The following FBXO11 variants were observed in gnomAD, a reference collection of about 807,000 sequenced individuals.
FBXO11 encodes F-box protein 11, also known as F-box only protein 11.
Under a neutral mutation model 117.0 loss-of-function variants are expected in FBXO11, and 13 were observed. The ratio of observed to expected loss-of-function variants is 0.11; its 90% CI spans 0.07 to 0.18. The LOEUF (loss-of-function observed/expected upper bound fraction) is 0.18. Ranked by LOEUF, FBXO11 falls within the 10% of genes least tolerant of loss-of-function variation. The pLI is 1.00. For missense variants in FBXO11, 767 were observed against 1,164.4 expected (o/e 0.66, Z 4.97); for synonymous variants, 490 against 380.5 (o/e 1.29, Z -3.35).
At chr2:47,853,724 ATACT>A (rs1294565302) in intron 1 of FBXO11, among the ~76,000 whole-genome samples, 3 of 152,212 alleles carry the variant, frequency 2.0e-5, no homozygotes, top group Non-Finnish European at 4.4e-5. Flanking sequence ...AAGACTGATA[ATACT>A]TAACAGTACC....
chr2:47,810,596 C>T lies in FBXO11; in HGVS notation c.2228-170G>A, dbSNP rs1276054416. The T allele has an allele frequency of 9.9e-6, 5 of 505,642 alleles. No individual in the cohort carries two copies. The African/African-American group carries it at 9.9e-5, about 10-fold the overall frequency. The allele number at this position is 505,642 out of a possible 1,614,324, so 31.3% of individuals were successfully genotyped here. ...TTAGCAATTCAGAGGTATTAAGGAT[C>T]TAACAAAATTGCTACAATGACAGGT... On this transcript the variant is annotated intron_variant, in intron 18 of 22. Coordinates refer to ENST00000403359, the MANE Select transcript of FBXO11 (RefSeq NM_001190274.2).
intron 1 of FBXO11, among the ~76,000 whole-genome samples, chr2:47,878,666 T>A (rs1413153480): frequency 6.6e-6 from 1 of 151,950 alleles, no homozygotes; most frequent in Non-Finnish European, 1.5e-5. Flanking sequence ...CCAGCATTTT[T>A]TTTTTTTTTT....
At chr2:47,902,351 G>A (rs1319530871) in intron 1 of FBXO11, among the ~76,000 whole-genome samples, 2 of 152,210 alleles carry the variant, frequency 1.3e-5, no homozygotes, top group African/African-American at 4.8e-5. Flanking sequence ...CAGCTAACGA[G>A]TGAACACAAT....
chr2:47,825,206 TTTCA>T (rs1671659732), intron 11 of FBXO11, among the ~76,000 whole-genome samples: 1 of 152,182 alleles, frequency 6.6e-6, no homozygotes, highest in Non-Finnish European at 1.5e-5. Flanking sequence ...CAAAAGTAGT[TTTCA>T]GACTTCATTT....
At chr2:47,895,486 G>A (rs569146915) in intron 1 of FBXO11, among the ~76,000 whole-genome samples, 3 of 152,262 alleles carry the variant, frequency 2.0e-5, no homozygotes, top group Admixed American at 6.5e-5. Context: ...AGATGGGGTT[G>A]GGAACAGTGA....
intron 1 of FBXO11, among the ~76,000 whole-genome samples, chr2:47,864,073 C>T (rs1179920209): frequency 6.6e-6 from 1 of 152,024 alleles, no homozygotes; most frequent in African/African-American, 2.4e-5. Flanking sequence ...AATTTATTTC[C>T]ATTAAAAAGC....
At chr2:47,851,357 G>C (rs1052804478) in intron 1 of FBXO11, among the ~76,000 whole-genome samples, 1 of 151,992 alleles carries the variant, frequency 6.6e-6, no homozygotes, top group African/African-American at 2.4e-5. Flanking sequence ...CTCCCAAGTA[G>C]CTGGGACTAC....
chr2:47,834,948 A>G, intron 5 of FBXO11, 77 bp from the exon 6 acceptor site: 1 of 977,054 alleles, frequency 1.0e-6, no homozygotes, highest in Non-Finnish European at 1.5e-6. Context: ...CAATTGCATG[A>G]ACAACTTTTA....
Position 47,896,519 on chromosome 2 carries a change from G to C in FBXO11, c.232+8970C>G, listed in dbSNP as rs577947847. Among the ~76,000 whole-genome samples, 25 of 151,966 alleles carry C rather than the reference G, an allele frequency of 1.6e-4. No homozygotes were observed. In the South Asian group the frequency reaches 5.0e-3, roughly 30 times the overall value. On this transcript the variant is annotated intron_variant, in intron 1 of 22. Coordinates refer to ENST00000403359, the MANE Select transcript of FBXO11 (RefSeq NM_001190274.2). ...CTAACTTTGTATTTTCTGTAGAGAC[G>C]GGGTTTCGCCATGTTGCCCAGGCAG... is the stretch of plus-strand genomic sequence containing the variant.
intron 1 of FBXO11, among the ~76,000 whole-genome samples, chr2:47,844,022 T>C (rs912435743): frequency 5.3e-5 from 8 of 152,204 alleles, no homozygotes; most frequent in Admixed American, 2.6e-4. Flanking sequence ...ATTACAGGCA[T>C]GAGCCACTGT....
intron 1 of FBXO11, among the ~76,000 whole-genome samples, chr2:47,863,223 T>A (rs529606050): frequency 6.6e-6 from 1 of 152,122 alleles, no homozygotes; most frequent in South Asian, 2.1e-4. Flanking sequence ...TAGTCTCAAG[T>A]TAAAAATGCT....
At chr2:47,808,304 T>TA in intron 22 of FBXO11, 25 bp downstream of exon 22, 1 of 1,612,412 alleles carries the variant, frequency 6.2e-7, no homozygotes, top group Middle Eastern at 1.7e-4. Flanking sequence ...AATTGGGTAA[T>TA]ATATCAAGCA....
chr2:47,810,292 C>T (rs376980191), intron 19 of FBXO11, 24 bp downstream of exon 19: 2 of 1,474,528 alleles, frequency 1.4e-6, no homozygotes, highest in East Asian at 2.3e-5. Context: ...ATATAAGCCA[C>T]AGGTAAGAAA....
intron 1 of FBXO11, among the ~76,000 whole-genome samples, chr2:47,891,196 T>C (rs1383345314): frequency 2.6e-5 from 4 of 152,180 alleles, no homozygotes; most frequent in Admixed American, 2.0e-4. Context: ...TACAGTACTG[T>C]TGACTATAGG....
chr2:47,855,785 T>C (rs1053455618), intron 1 of FBXO11, among the ~76,000 whole-genome samples: 5 of 151,684 alleles, frequency 3.3e-5, no homozygotes, highest in Non-Finnish European at 5.9e-5. Context: ...TGAGCCAAGA[T>C]TGTGCCATGG....
intron 13 of FBXO11, among the ~76,000 whole-genome samples, chr2:47,821,796 C>T (rs1292994480): frequency 1.3e-5 from 2 of 151,812 alleles, no homozygotes; most frequent in African/African-American, 2.4e-5. Flanking sequence ...AAAACAACAA[C>T]AACAAAAATT....
chr2:47,814,700 A>C (rs1252165049), intron 16 of FBXO11, among the ~76,000 whole-genome samples: 1 of 152,168 alleles, frequency 6.6e-6, no homozygotes. Context: ...TCTTAAAATA[A>C]GACAATTAAG....
At chr2:47,900,673 TACACACGTATACACACACGTATAC>T (rs370814109) in intron 1 of FBXO11, among the ~76,000 whole-genome samples, 5 of 35,788 alleles carry the variant, frequency 1.4e-4, no homozygotes, top group Non-Finnish European at 2.0e-4. Context: ...CGTACGTATA[TACACACGTATACACACACGTATAC>T]ACACACGTGT....
intron 1 of FBXO11, among the ~76,000 whole-genome samples, chr2:47,872,229 T>C (rs1362126577): frequency 2.0e-5 from 3 of 152,234 alleles, no homozygotes; most frequent in South Asian, 4.1e-4. Context: ...GGATTTAGTG[T>C]AGAGCTGCAG....
Sources: allele counts gnomAD v4.1 joint callset (sites outside exome capture counted in the v4.1 genomes callset), GRCh38; gene constraint gnomAD v4.1.1; transcripts MANE v1.5; gene names NCBI Gene and HGNC (gene_info 2026-07-23, HGNC 2026-07-21).